The following CPSF3 variants were observed in gnomAD, a reference collection of about 807,000 sequenced individuals.
The protein encoded by CPSF3 is cleavage and polyadenylation specific factor 3, also known as cleavage and polyadenylation specificity factor subunit 3.
In CPSF3, 57 loss-of-function variants were observed where a neutral mutation model predicts 84.1. The observed-to-expected ratio is 0.68, with a 90% CI of 0.55 to 0.85. The LOEUF is 0.85. Among genes scored for constraint, CPSF3 ranks in the 40% least tolerant of loss-of-function variants. The probability of loss-of-function intolerance (pLI) is 0.00; values close to 1 mark genes in which losing one functional copy is unlikely to be tolerated. For missense variants in CPSF3, 522 were observed against 838.8 expected, an observed-to-expected ratio of 0.62 and a Z score of 4.66; for synonymous variants, 275 against 278.1, an observed-to-expected ratio of 0.99 and a Z score of 0.11.
At chr2:9,456,627 A>G (rs1345273524) in intron 13 of CPSF3, among the ~76,000 whole-genome samples, 2 of 152,226 alleles carry the variant, frequency 1.3e-5, no homozygotes, top group African/African-American at 2.4e-5. Context: ...TTTATGTTAT[A>G]TGTTAAGATG....
chr2:9,449,446 AAAG>A (rs1681242462), intron 11 of CPSF3, among the ~76,000 whole-genome samples: 1 of 151,590 alleles, frequency 6.6e-6, no homozygotes, highest in Non-Finnish European at 1.5e-5. Flanking sequence ...AACAAACAAA[AAAG>A]AAGTAATCAA....
chr2:9,437,137 C>T (rs1680812616), intron 7 of CPSF3, among the ~76,000 whole-genome samples: 1 of 152,112 alleles, frequency 6.6e-6, no homozygotes, highest in Non-Finnish European at 1.5e-5. Flanking sequence ...GACGTGGTGG[C>T]TCACGCCTGT....
chr2:9,462,618 C>G (rs62120281), intron 15 of CPSF3, among the ~76,000 whole-genome samples: 26,039 of 152,110 alleles, frequency 0.17, 2,405 homozygotes, highest in Middle Eastern at 0.29. Context: ...GTGTTTTATA[C>G]GGGAAGGAAT....
intron 17 of CPSF3, among the ~76,000 whole-genome samples, chr2:9,471,872 G>T (rs142533511): frequency 4.5e-4 from 69 of 151,964 alleles, no homozygotes; most frequent in African/African-American, 1.6e-3. Context: ...CGGGAATGGC[G>T]GCAGCTGCCT....
chr2:9,460,246 G>A (rs1681688997), intron 15 of CPSF3, among the ~76,000 whole-genome samples: 1 of 151,962 alleles, frequency 6.6e-6, no homozygotes, highest in Non-Finnish European at 1.5e-5. Context: ...TGGCTAACAC[G>A]GTGAAACCTC....
chr2:9,466,265 A>C (rs56114424), intron 15 of CPSF3, among the ~76,000 whole-genome samples: 1 of 36,886 alleles, frequency 2.7e-5, no homozygotes, highest in South Asian at 7.8e-4. Context: ...CACGCACACA[A>C]AGACGCACGC....
intron 6 of CPSF3, among the ~76,000 whole-genome samples, chr2:9,435,389 T>G (rs1317550697): frequency 1.3e-5 from 2 of 152,108 alleles, no homozygotes; most frequent in Admixed American, 6.5e-5. Context: ...TTGGACTATT[T>G]CATTTTATAA....
chr2:9,455,635 A>G (rs1681500046), intron 12 of CPSF3, 24 bp from the exon 13 acceptor site: 4 of 1,548,728 alleles, frequency 2.6e-6, no homozygotes, highest in Non-Finnish European at 2.7e-6. Context: ...TATTTCTTCA[A>G]GTCTCTTCTC....
rs1336094042 is a variant in CPSF3, at chr2:9,448,254, A to C, written c.1299A>C (p.Arg433=). ...EMARLKAALI[R]EYEDNDEVHI... is the part of the protein sequence containing the mutation. ...CCAGATTGAAAGCAGCACTGATTCGAGAATATGAAGATAACGATGAAGTTC... is the reference window on the plus strand; with the variant it reads ...CCAGATTGAAAGCAGCACTGATTCGCGAATATGAAGATAACGATGAAGTTC... The change falls in exon 11 of 18, where the codon CGA becomes CGC. Residue 433 remains arginine (R), a synonymous_variant. Transcript: ENST00000238112. 4.3e-6 allele frequency: 7 copies of C among 1,612,364 alleles called. No homozygotes were observed. The highest frequency in any genetic ancestry group is 2.2e-5 in the South Asian group (2 of 90,990).
At chr2:9,429,666 C>T (rs185802980) in intron 2 of CPSF3, among the ~76,000 whole-genome samples, 1 of 152,244 alleles carries the variant, frequency 6.6e-6, no homozygotes, top group East Asian at 1.9e-4. Flanking sequence ...AGAATGACGA[C>T]CAAAAGTAGC....
intron 10 of CPSF3, among the ~76,000 whole-genome samples, chr2:9,447,277 C>G (rs1681157471): frequency 6.6e-6 from 1 of 151,546 alleles, no homozygotes. Context: ...CCCAGGAGTT[C>G]AAGACCACCT....
At chr2:9,453,136 G>A in intron 12 of CPSF3, 115 bp downstream of exon 12, 1 of 600,100 alleles carries the variant, frequency 1.7e-6, no homozygotes, top group Non-Finnish European at 2.8e-6. Context: ...TAATAAAAAA[G>A]GAATGAGGCA....
intron 1 of CPSF3, among the ~76,000 whole-genome samples, chr2:9,427,157 G>T (rs1572763572): frequency 6.6e-6 from 1 of 152,364 alleles, no homozygotes; most frequent in South Asian, 2.1e-4. Flanking sequence ...TGACACAGCA[G>T]TGTTGAGTTC....
intron 11 of CPSF3, 150 bp from the exon 12 acceptor site, chr2:9,452,763 T>C (rs900511828): frequency 6.5e-5 from 40 of 614,316 alleles, no homozygotes; most frequent in Middle Eastern, 4.3e-4. Flanking sequence ...CATAGAGATA[T>C]CAAACATTTT....
chr2:9,466,353 CA>C (rs1681966324), intron 15 of CPSF3, among the ~76,000 whole-genome samples: 2 of 142,550 alleles, frequency 1.4e-5, no homozygotes, highest in African/African-American at 5.3e-5. Flanking sequence ...CGCGCGCGCG[CA>C]CACACACACG....
In CPSF3 at chr2:9,459,638, CTTTT is replaced by C. The variant is rs543727439; in HGVS notation, c.1786+45_1786+48del. The C allele has an allele frequency of 0.021, 6,293 of 305,378 alleles. No individual in the cohort carries two copies. Among genetic ancestry groups the C allele is most frequent in the South Asian group, 0.032 (1,186 of 37,144 alleles). 18.9% of individuals were successfully genotyped at this position (305,378 alleles called of 1,614,324 possible). On this transcript the variant is annotated intron_variant, in intron 15 of 17. Transcript: ENST00000238112. ...GAAAAGGTAAGAGTTCATTTTTATC[CTTTT>C]TTTTTTTTTTTTTTTTTTTTTTTTG...
In CPSF3 at chr2:9,430,671, T is replaced by C; in HGVS notation, c.213-81T>C. Reference sequence around the variant, plus strand: ...ATAGTTGTTTATATAAAACTTGTTTTGTACAGTAAGCAACAGTTTCATTAC... The same window carrying C: ...ATAGTTGTTTATATAAAACTTGTTTCGTACAGTAAGCAACAGTTTCATTAC... On this transcript the variant is annotated intron_variant, in intron 3 of 17. Transcript: ENST00000238112. 9.5e-6 allele frequency: 13 copies of C among 1,363,184 alleles called. No homozygotes were observed. In the South Asian group the frequency reaches 1.5e-4, roughly 16 times the overall value. The allele number at this position is 1,363,184 out of a possible 1,614,324, so 84.4% of individuals were successfully genotyped here.
intron 16 of CPSF3, among the ~76,000 whole-genome samples, chr2:9,468,629 T>A (rs2124874497): frequency 7.0e-6 from 1 of 143,542 alleles, no homozygotes; most frequent in Admixed American, 6.9e-5. Context: ...CTTTTTTTTT[T>A]TTTTTTTTTT....
intron 15 of CPSF3, among the ~76,000 whole-genome samples, chr2:9,466,330 G>C (rs1220944738): frequency 8.0e-6 from 1 of 124,332 alleles, no homozygotes; most frequent in Non-Finnish European, 1.6e-5. Context: ...GCACACAGAC[G>C]CACGCACACA....
Sources: allele counts gnomAD v4.1 joint callset (sites outside exome capture counted in the v4.1 genomes callset), GRCh38; gene constraint gnomAD v4.1.1; transcripts MANE v1.5; gene names NCBI Gene and HGNC (gene_info 2026-07-23, HGNC 2026-07-21).